The following EFCAB14 variants were observed in gnomAD, a reference collection of about 807,000 sequenced individuals.
EFCAB14 encodes the protein EF-hand calcium-binding domain-containing protein 14.
EFCAB14 carries 43 observed loss-of-function variants against 56.5 expected under a neutral mutation model. The ratio of observed to expected loss-of-function variants is 0.76; its 90% CI spans 0.60 to 0.98. The LOEUF (loss-of-function observed/expected upper bound fraction) is 0.98, where lower values mean the gene tolerates loss of function less well. Among genes scored for constraint, EFCAB14 ranks in the 50% least tolerant of loss-of-function variants. EFCAB14 has a pLI of 0.00. For synonymous variants in EFCAB14, 235 were observed against 212.9 expected (o/e 1.10, Z -0.90); for missense variants, 538 against 580.3 (o/e 0.93, Z 0.75).
At chr1:46,680,649 T>C (rs901261677) in intron 10 of EFCAB14, among the ~76,000 whole-genome samples, 1 of 152,194 alleles carries the variant, frequency 6.6e-6, no homozygotes, top group African/African-American at 2.4e-5. Flanking sequence ...TGGAATTAGA[T>C]AGTGGTGATG....
chr1:46,706,471 C>T (rs183563730), intron 3 of EFCAB14, among the ~76,000 whole-genome samples: 142 of 152,228 alleles, frequency 9.3e-4, no homozygotes, highest in Middle Eastern at 3.4e-3. Context: ...TTTACAAGAA[C>T]GAGATGAAAA....
chr1:46,717,597 T>G (rs1412919023), intron 1 of EFCAB14, among the ~76,000 whole-genome samples: 2 of 152,200 alleles, frequency 1.3e-5, no homozygotes, highest in African/African-American at 4.8e-5. Flanking sequence ...TCCCCAAAGC[T>G]TCTCTGCTCC....
At position 46,716,340 on chromosome 1, in the gene EFCAB14, C is replaced by A; in HGVS notation, c.289G>T (p.Ala97Ser). ...ACVGLVWMQVALKEDLDALKE... is the reference protein window; with the variant it reads ...ACVGLVWMQVSLKEDLDALKE... ...AGGGCATCCAGATCCTCCTTGAGAG[C>A]AACCTGCATCCACACCAAGCCAACA... Residue 97 changes from alanine to serine, a missense_variant, in exon 2 of 11, where the codon GCT becomes TCT. Physicochemically the swap from Ala to Ser is moderately conservative, Grantham distance 99. Transcript: ENST00000371933. 1 of 1,611,866 alleles carries A rather than the reference C, an allele frequency of 6.2e-7. No individual in the cohort carries two copies. Among genetic ancestry groups the A allele is most frequent in the South Asian group, 1.1e-5 (1 of 90,998 alleles).
At chr1:46,698,899 G>A (rs1677112832) in intron 3 of EFCAB14, among the ~76,000 whole-genome samples, 1 of 152,198 alleles carries the variant, frequency 6.6e-6, no homozygotes, top group Non-Finnish European at 1.5e-5. Flanking sequence ...AGACTACTAT[G>A]GCTGTCAGTA....
chr1:46,684,220 AC>A (rs1421411572), intron 9 of EFCAB14: 2 of 400,138 alleles, frequency 5.0e-6, no homozygotes, highest in African/African-American at 4.1e-5. Flanking sequence ...TATGACAGTA[AC>A]ATTTTTGCCT....
intron 10 of EFCAB14, 101 bp downstream of exon 10, chr1:46,683,199 A>T: frequency 7.3e-7 from 1 of 1,363,262 alleles, no homozygotes; most frequent in South Asian, 1.4e-5. Flanking sequence ...ATATCTCCTC[A>T]ATAAATGTTA....
chr1:46,697,605 ACAGTGGTAGG>A (rs1213486585), intron 3 of EFCAB14, among the ~76,000 whole-genome samples: 1 of 152,152 alleles, frequency 6.6e-6, no homozygotes, highest in Non-Finnish European at 1.5e-5. Context: ...TGGGCCAAGC[ACAGTGGTAGG>A]CACTGGGGGG....
chr1:46,680,423 T>C (rs901142641), intron 10 of EFCAB14, among the ~76,000 whole-genome samples: 2 of 152,092 alleles, frequency 1.3e-5, no homozygotes, highest in African/African-American at 4.8e-5. Flanking sequence ...GAATAGACCA[T>C]AAAAACATTA....
intron 2 of EFCAB14, among the ~76,000 whole-genome samples, chr1:46,714,173 A>G (rs977326771): frequency 2.6e-5 from 4 of 152,190 alleles, no homozygotes; most frequent in African/African-American, 9.7e-5. Context: ...TAGGCAGCCA[A>G]GAGAAGTTGG....
chr1:46,715,753 C>T (rs1013110141), intron 2 of EFCAB14, among the ~76,000 whole-genome samples: 2 of 152,026 alleles, frequency 1.3e-5, no homozygotes, highest in Non-Finnish European at 2.9e-5. Context: ...TGCTACTTGT[C>T]CTGCTGGTGC....
intron 8 of EFCAB14, among the ~76,000 whole-genome samples, chr1:46,686,203 G>T (rs1487584783): frequency 6.6e-6 from 1 of 152,136 alleles, no homozygotes; most frequent in Admixed American, 6.5e-5. Context: ...TTGCTGTCTT[G>T]ACAGTATGTC....
At chr1:46,708,842 G>A (rs1377811918) in intron 2 of EFCAB14, among the ~76,000 whole-genome samples, 1 of 152,080 alleles carries the variant, frequency 6.6e-6, no homozygotes, top group Non-Finnish European at 1.5e-5. Flanking sequence ...TGAAGGCAGA[G>A]GCCTGAAACA....
intron 2 of EFCAB14, among the ~76,000 whole-genome samples, chr1:46,713,645 T>C (rs960057247): frequency 1.3e-5 from 2 of 152,146 alleles, no homozygotes; most frequent in African/African-American, 4.8e-5. Context: ...GATAGGTGAA[T>C]TGAGCAATGT....
chr1:46,708,087 T>C, intron 2 of EFCAB14, 36 bp from the exon 3 acceptor site: 1 of 1,594,820 alleles, frequency 6.3e-7, no homozygotes, highest in Non-Finnish European at 8.5e-7. Flanking sequence ...ATAACTAGCA[T>C]AAAGTGCCCT....
chr1:46,678,728 G>C, intron 10 of EFCAB14, 92 bp from the exon 11 acceptor site: 649 of 1,083,672 alleles, frequency 6.0e-4, no homozygotes, highest in East Asian at 1.0e-3. Flanking sequence ...AACACTAAAA[G>C]AAAAGCTACT....
At chr1:46,686,602 C>T in intron 8 of EFCAB14, 182 bp downstream of exon 8, 1 of 636,024 alleles carries the variant, frequency 1.6e-6, no homozygotes, top group Non-Finnish European at 2.7e-6. Flanking sequence ...GTGTTTGGCA[C>T]AGGGTAGGTG....
At chr1:46,701,272 T>G (rs1357071999) in intron 3 of EFCAB14, among the ~76,000 whole-genome samples, 1 of 152,152 alleles carries the variant, frequency 6.6e-6, no homozygotes, top group Non-Finnish European at 1.5e-5. Flanking sequence ...ACATGCCCAA[T>G]CATAAAATGC....
intron 1 of EFCAB14, among the ~76,000 whole-genome samples, chr1:46,717,218 C>T (rs1379947616): frequency 6.6e-6 from 1 of 152,218 alleles, no homozygotes; most frequent in Non-Finnish European, 1.5e-5. Context: ...CCCCGACCTT[C>T]TGCCTAGCCA....
chr1:46,697,575 C>T (rs1230735223), intron 3 of EFCAB14, among the ~76,000 whole-genome samples: 1 of 152,146 alleles, frequency 6.6e-6, no homozygotes, highest in Non-Finnish European at 1.5e-5. Context: ...GAGTACCCAC[C>T]AGTTTCTGGG....
Sources: gnomAD v4.1 joint callset for allele counts (sites outside exome capture counted in the v4.1 genomes callset) on GRCh38, gnomAD v4.1.1 for gene constraint, MANE v1.5 for transcripts, NCBI Gene and HGNC (gene_info 2026-07-23, HGNC 2026-07-21) for gene names.